ATR: variants seen among roughly 807,000 people sequenced by gnomAD.
ATR encodes the protein ATR checkpoint kinase.
A neutral mutation model predicts 305.3 loss-of-function variants in ATR; 142 were observed. The ratio of observed to expected loss-of-function variants is 0.47; its 90% confidence interval spans 0.41 to 0.53. ATR has a LOEUF of 0.53. Ranked by LOEUF, ATR falls within the 20% of genes least tolerant of loss-of-function variation. ATR has a pLI of 0.00. For synonymous variants in ATR, 1,050 were observed against 1,068.1 expected (o/e 0.98, Z 0.33); for missense variants, 2,135 against 3,133.1 (o/e 0.68, Z 7.60).
chr3:142,549,743 G>A (rs2034407383), intron 14 of ATR, 70 bp from the exon 15 acceptor site: 2 of 1,432,766 alleles, frequency 1.4e-6, no homozygotes, highest in Non-Finnish European at 9.7e-7. Flanking sequence ...CATAAGCTAT[G>A]TGCAAAAATA....
chr3:142,475,991 T>C (rs1389261591), intron 36 of ATR, among the ~76,000 whole-genome samples: 1 of 152,222 alleles, frequency 6.6e-6, no homozygotes, highest in East Asian at 1.9e-4. Flanking sequence ...ATTCTGGATA[T>C]TAGCCCTTCG....
At chr3:142,571,367 G>A (rs1468136528) in intron 1 of ATR, among the ~76,000 whole-genome samples, 2 of 152,124 alleles carry the variant, frequency 1.3e-5, no homozygotes, top group Admixed American at 1.3e-4. Flanking sequence ...TCAGGAGGCT[G>A]AGGCAGGAGA....
intron 31 of ATR, chr3:142,499,106 C>T (rs2031808718): frequency 5.3e-6 from 2 of 373,998 alleles, no homozygotes; most frequent in South Asian, 4.7e-5. Context: ...GTCTAGAGCT[C>T]TTGGCTTCAA....
At position 142,496,560 on chromosome 3, in the gene ATR, G is replaced by T. The variant is rs374134683; in HGVS notation, c.5739-40C>A. On this transcript the variant is annotated intron_variant, in intron 33 of 46. Transcript: ENST00000350721. Reference sequence around the variant, plus strand: ...AACACATTGGTGAGAGAGACCATTGGTAAGTGTACACAACAACTTAACTTA... The same window carrying T: ...AACACATTGGTGAGAGAGACCATTGTTAAGTGTACACAACAACTTAACTTA... The T allele has an allele frequency of 3.2e-6, 5 of 1,582,050 alleles. No homozygotes were observed. The African/African-American group carries it at 4.1e-5, about 13-fold the overall frequency.
intron 24 of ATR, among the ~76,000 whole-genome samples, chr3:142,518,585 C>A (rs1485753901): frequency 6.6e-6 from 1 of 152,116 alleles, no homozygotes; most frequent in Non-Finnish European, 1.5e-5. Flanking sequence ...TAAATAATCA[C>A]TTCTTTAATA....
intron 42 of ATR, among the ~76,000 whole-genome samples, chr3:142,459,689 A>G (rs1577497793): frequency 6.6e-6 from 1 of 152,162 alleles, no homozygotes; most frequent in East Asian, 1.9e-4. Context: ...TAAAATCAGT[A>G]TATACTGAAG....
At chr3:142,560,235 A>G (rs2108482285) in intron 6 of ATR, 28 bp downstream of exon 6, 5 of 1,604,208 alleles carry the variant, frequency 3.1e-6, no homozygotes, top group Non-Finnish European at 4.3e-6. Context: ...AGGAAACCCA[A>G]CCCCAAGAAA....
intron 36 of ATR, among the ~76,000 whole-genome samples, chr3:142,478,580 G>A (rs1392689833): frequency 6.6e-6 from 1 of 152,190 alleles, no homozygotes; most frequent in Non-Finnish European, 1.5e-5. Context: ...ATTTGGGGTG[G>A]AGAGTTCTGT....
chr3:142,566,373 C>G, intron 2 of ATR, 112 bp from the exon 3 acceptor site: 1 of 1,190,354 alleles, frequency 8.4e-7, no homozygotes, highest in Non-Finnish European at 1.2e-6. Flanking sequence ...AACCCCTGTA[C>G]TTTGGGAGGC....
intron 21 of ATR, among the ~76,000 whole-genome samples, chr3:142,530,916 C>T (rs1230345397): frequency 6.6e-6 from 1 of 152,162 alleles, no homozygotes; most frequent in Admixed American, 6.5e-5. Context: ...GTATGACTCT[C>T]TTTCTGTTGG....
intron 46 of ATR, chr3:142,450,156 T>A: frequency 5.1e-6 from 2 of 389,528 alleles, no homozygotes; most frequent in Non-Finnish European, 9.7e-6. Flanking sequence ...GGGTGGAGAC[T>A]GTTGCTGTGC....
Position 142,559,290 on chromosome 3 carries a change from T to C in ATR, c.1693A>G (p.Lys565Glu), listed in dbSNP as rs1481616236. Residue 565 changes from lysine (K) to glutamate (E), a missense_variant, in exon 7 of 47, where the codon AAG becomes GAG. Physicochemically the swap from Lys to Glu is moderately conservative, Grantham distance 56 (BLOSUM62 1). Transcript: ENST00000350721. The part of the protein sequence containing the change: ...QKLDLEATID[K>E]VVKIYDALIY... ...AAAGCATCATAAATTTTCACCACCT[T>C]ATCAATGGTTGCCTCCAGGTCCAGT... 4 of 1,614,024 alleles carry C rather than the reference T, an allele frequency of 2.5e-6. No individual in the cohort carries two copies. Among genetic ancestry groups the C allele is most frequent in the East Asian group, 2.2e-5 (1 of 44,822 alleles).
intron 39 of ATR, among the ~76,000 whole-genome samples, chr3:142,466,997 A>C (rs1227199711): frequency 1.3e-5 from 2 of 152,174 alleles, no homozygotes; most frequent in African/African-American, 2.4e-5. Flanking sequence ...TGTTTTAATA[A>C]ATGTTGGCCA....
chr3:142,475,660 G>A (rs1415868998), intron 36 of ATR, among the ~76,000 whole-genome samples: 3 of 152,164 alleles, frequency 2.0e-5, no homozygotes, highest in African/African-American at 4.8e-5. Flanking sequence ...CTAGATCCCC[G>A]AGGAACCGCC....
At chr3:142,571,508 T>TC (rs2035260026) in intron 1 of ATR, among the ~76,000 whole-genome samples, 2 of 127,436 alleles carry the variant, frequency 1.6e-5, no homozygotes, top group African/African-American at 5.8e-5. Flanking sequence ...AATAAATAAA[T>TC]AATCAAAAGC....
chr3:142,460,124 A>G lies in ATR; in HGVS notation c.7193-741T>C, dbSNP rs144675464. On this transcript the variant is annotated intron_variant, in intron 42 of 46. Transcript: ENST00000350721. ...AGTGTCTCTGAGTTTCAGTTTTGCAACTGTGAACTTAGACAAGTTACGTAA... is the reference window on the plus strand; with the variant it reads ...AGTGTCTCTGAGTTTCAGTTTTGCAGCTGTGAACTTAGACAAGTTACGTAA... Among the ~76,000 whole-genome samples, 723 of 152,286 alleles carry G rather than the reference A, an allele frequency of 4.7e-3. 6 individuals carry two copies. The highest frequency in any genetic ancestry group is 6.4e-3 in the Non-Finnish European group (437 of 67,984).
intron 46 of ATR, chr3:142,452,847 C>T (rs1183043248): frequency 7.9e-7 from 1 of 1,266,108 alleles, no homozygotes; most frequent in South Asian, 1.7e-5. Context: ...GCAATTTGTA[C>T]TATAGTTTTT....
intron 1 of ATR, among the ~76,000 whole-genome samples, chr3:142,569,562 T>A: frequency 6.6e-6 from 1 of 152,118 alleles, no homozygotes; most frequent in Non-Finnish European, 1.5e-5. Flanking sequence ...GCTCAAGCGA[T>A]CTGCCTGCTT....
At chr3:142,451,536 A>G (rs772280791) in intron 46 of ATR, 7 of 1,378,790 alleles carry the variant, frequency 5.1e-6, no homozygotes, top group Non-Finnish European at 5.7e-6. Context: ...ACCAACACCT[A>G]TATCCAGAGT....
Sources: allele counts gnomAD v4.1 joint callset (sites outside exome capture counted in the v4.1 genomes callset), GRCh38; gene constraint gnomAD v4.1.1; transcripts MANE v1.5; gene names NCBI Gene and HGNC (gene_info 2026-07-23, HGNC 2026-07-21).